The following AP5M1 variants were observed in gnomAD, a reference collection of about 807,000 sequenced individuals.
The protein encoded by AP5M1 is adaptor related protein complex 5 subunit mu 1.
AP5M1 carries 44 observed loss-of-function variants against 52.3 expected under a neutral mutation model. The observed-to-expected ratio is 0.84, with a 90% CI of 0.66 to 1.08. The LOEUF (loss-of-function observed/expected upper bound fraction) is 1.08. Among genes scored for constraint, AP5M1 ranks in the 50% least tolerant of loss-of-function variants. The pLI, the probability that AP5M1 is intolerant of heterozygous loss-of-function variation, is 0.00. For missense variants in AP5M1, 526 were observed against 568.4 expected (o/e 0.93, Z 0.76); for synonymous variants, 213 against 199.0 (o/e 1.07, Z -0.59).
At chr14:57,282,338 T>G in intron 4 of AP5M1, 110 bp downstream of exon 4, 2 of 777,652 alleles carry the variant, frequency 2.6e-6, no homozygotes, top group Non-Finnish European at 3.7e-6. Context: ...CTGAACAATT[T>G]TATTTTATTT....
chr14:57,274,679 T>C lies in AP5M1; in HGVS notation c.510T>C (p.Gly170=). 1 of 1,614,202 alleles carries C rather than the reference T, an allele frequency of 6.2e-7. No individual in the cohort carries two copies. The highest frequency in any genetic ancestry group is 8.5e-7 in the Non-Finnish European group (1 of 1,180,042). Residue 170 remains glycine (G), a synonymous_variant, in exon 2 of 8, where the codon GGT becomes GGC. Transcript: ENST00000261558. ...PDLLLQACPF[G]TLLDANLQNS... The stretch of plus-strand genomic sequence containing the variant: ...TGCTTCTGCAGGCTTGTCCATTTGG[T>C]ACTTTATTAGATGCCAACTTACAGA...
chr14:57,296,377 A>T lies in AP5M1; in HGVS notation c.*7493A>T, dbSNP rs1365153260. 2 of 152,088 alleles carry T rather than the reference A, an allele frequency of 1.3e-5. No homozygotes were observed. The highest frequency in any genetic ancestry group is 2.9e-5 in the Non-Finnish European group (2 of 67,962). The allele number at this position is 152,088 out of a possible 1,614,324, so 9.4% of individuals were successfully genotyped here. A position where few individuals can be genotyped will look rare whatever the true frequency, so the allele number is the denominator to read the frequency against. ...TTACCCCTTGCTAAAGGCTCTTAAG[A>T]AACTGTTAGCCTGTTACTTTATTAC... On this transcript the variant is annotated 3_prime_UTR_variant, in exon 8 of 8. Coordinates refer to ENST00000261558, the MANE Select transcript of AP5M1 (RefSeq NM_018229.4).
intron 6 of AP5M1, among the ~76,000 whole-genome samples, chr14:57,285,147 A>T (rs552383140): frequency 1.3e-5 from 2 of 152,302 alleles, no homozygotes; most frequent in South Asian, 4.1e-4. Flanking sequence ...AAATACAGAC[A>T]ATTAGGGGAA....
At chr14:57,287,454 T>TA (rs1426810469) in intron 7 of AP5M1, among the ~76,000 whole-genome samples, 2 of 152,246 alleles carry the variant, frequency 1.3e-5, no homozygotes, top group Non-Finnish European at 2.9e-5. Context: ...TGTTTTCTCT[T>TA]ACATCATTTT....
At chr14:57,284,070 A>G (rs1885249192) in intron 6 of AP5M1, among the ~76,000 whole-genome samples, 1 of 152,228 alleles carries the variant, frequency 6.6e-6, no homozygotes, top group Admixed American at 6.5e-5. Context: ...TTGCACATCA[A>G]CAATTTATCA....
rs1375275013 is a variant in AP5M1, at chr14:57,269,232, AGTCT to A, written c.-77_-74del. 7.6e-6 allele frequency: 10 copies of A among 1,320,164 alleles called. No homozygotes were observed. The highest frequency in any genetic ancestry group is 1.2e-5 in the South Asian group (1 of 82,878). The allele number at this position is 1,320,164 out of a possible 1,614,324, so 81.8% of individuals were successfully genotyped here. A position where few individuals can be genotyped will look rare whatever the true frequency, so the allele number is the denominator to read the frequency against. The stretch of plus-strand genomic sequence containing the variant: ...GATGAGCCTCAGGGCTTCTGTTAAG[AGTCT>A]GTCTGAGAAAGCCGGTCTGCGCTGT... On this transcript the variant is annotated 5_prime_UTR_variant, in exon 1 of 8. An upstream open reading frame in the 5' UTR gains an earlier in-frame stop. Transcript: ENST00000261558.
intron 6 of AP5M1, among the ~76,000 whole-genome samples, chr14:57,283,947 A>G (rs536337843): frequency 2.0e-5 from 3 of 152,344 alleles, no homozygotes; most frequent in Admixed American, 6.5e-5. Flanking sequence ...TGATTGTGCC[A>G]CTGCATTCCA....
intron 6 of AP5M1, among the ~76,000 whole-genome samples, chr14:57,285,154 G>C (rs1004568963): frequency 6.6e-6 from 1 of 152,094 alleles, no homozygotes; most frequent in Non-Finnish European, 1.5e-5. Context: ...GACAATTAGG[G>C]GAAGTGGTAG....
At chr14:57,280,551 TTGAAGA>T (rs1885147506) in intron 3 of AP5M1, 129 bp downstream of exon 3, 1 of 708,350 alleles carries the variant, frequency 1.4e-6, no homozygotes, top group African/African-American at 1.8e-5. Context: ...TAATTGATGA[TTGAAGA>T]TGAAGATTTA....
At position 57,288,876 on chromosome 14, in the gene AP5M1, T is replaced by C. The variant is rs147976517; in HGVS notation, c.1465T>C (p.Leu489=). The C allele has an allele frequency of 2.4e-4, 366 of 1,521,818 alleles. 1 individual carries two copies. The highest frequency in any genetic ancestry group is 3.2e-4 in the Non-Finnish European group (352 of 1,102,258). The allele number at this position is 1,521,818 out of a possible 1,614,324, so 94.3% of individuals were successfully genotyped here. Residue 489 remains leucine (L), a synonymous_variant, in exon 8 of 8, where the codon TTA becomes CTA. Coordinates refer to ENST00000261558, the MANE Select transcript of AP5M1 (RefSeq NM_018229.4). ...APAPVTYGSL[L]L The stretch of plus-strand genomic sequence containing the variant: ...TGCTCCAGTAACATATGGATCATTA[T>C]TATTGTAATAGTCTCATGTTTAAAT...
At chr14:57,285,521 T>G (rs1243411325) in intron 6 of AP5M1, among the ~76,000 whole-genome samples, 1 of 152,028 alleles carries the variant, frequency 6.6e-6, no homozygotes, top group Admixed American at 6.6e-5. Context: ...TTATCAGAGA[T>G]AATTTGGGTT....
At chr14:57,273,729 G>A (rs1884948197) in intron 1 of AP5M1, 1 of 701,874 alleles carries the variant, frequency 1.4e-6, no homozygotes, top group Non-Finnish European at 2.6e-6. Flanking sequence ...GAAGACTCAG[G>A]GTACCTGTCA....
intron 2 of AP5M1, chr14:57,275,468 AAG>A (rs1254902569): frequency 6.6e-6 from 1 of 151,986 alleles, no homozygotes; most frequent in African/African-American, 2.4e-5. Flanking sequence ...GAGAAGAGAA[AAG>A]AGAGAGGAGA....
At chr14:57,275,414 G>A (rs1295552249) in intron 2 of AP5M1, 2 of 147,108 alleles carry the variant, frequency 1.4e-5, no homozygotes, top group African/African-American at 5.4e-5. Context: ...GGGGGGGAGA[G>A]AGAGAGGAGA....
At position 57,291,641 on chromosome 14, in the gene AP5M1, A is replaced by T. The variant is rs1042083759; in HGVS notation, c.*2757A>T. 1 of 151,846 alleles carries T rather than the reference A, an allele frequency of 6.6e-6. No individual in the cohort carries two copies. The allele number at this position is 151,846 out of a possible 1,614,324, so 9.4% of individuals were successfully genotyped here. ...TAAAAAATTTTTTTTATTAAACATT[A>T]GTCTGTCCCATAAAATCGTTTTCAT... On this transcript the variant is annotated 3_prime_UTR_variant, in exon 8 of 8. Transcript: ENST00000261558.
At position 57,289,940 on chromosome 14, in the gene AP5M1, C is replaced by T. The variant is rs11542787; in HGVS notation, c.*1056C>T. On this transcript the variant is annotated 3_prime_UTR_variant, in exon 8 of 8. Transcript: ENST00000261558. The stretch of plus-strand genomic sequence containing the variant: ...GCAATTATATATCATATTATGTTTT[C>T]AGAGCAGTTCATTGTCAAGTTGGAC... 1.3e-5 allele frequency: 2 copies of T among 151,790 alleles called. No homozygotes were observed. Among genetic ancestry groups the T allele is most frequent in the Non-Finnish European group, 2.9e-5 (2 of 67,908 alleles). The allele number at this position is 151,790 out of a possible 1,614,324, so 9.4% of individuals were successfully genotyped here.
rs1032702857 is a variant in AP5M1, at chr14:57,269,361, C to T, written c.47C>T (p.Pro16Leu). ...CTCATAAGCCACGAACCGGGAACTC[C>T]ACTTTGTGGCACCGTGAGATTCTCC... ...VWLISHEPGT[P>L]LCGTVRFSRR... is the part of the protein sequence containing the mutation. Residue 16 changes from proline (P) to leucine (L), a missense_variant, in exon 1 of 8, where the codon CCA (proline) becomes CTA (leucine). Around this residue, in one of 3 missense-constraint regions of AP5M1, gnomAD observed 425 missense variants for 430.6 expected, o/e 0.99. Transcript: ENST00000261558. The T allele has an allele frequency of 5.0e-6, 8 of 1,613,990 alleles. No homozygotes were observed. In the African/African-American group the frequency reaches 9.3e-5, roughly 19 times the overall value.
Position 57,269,041 on chromosome 14 carries a change from GA to G in AP5M1, c.-272del, listed in dbSNP as rs1884802730. The stretch of plus-strand genomic sequence containing the variant: ...ACCATTCCGGAAGTAGAATTTAGAG[GA>G]AGAAAATACCGGAGTTGCAGGGTAT... On this transcript the variant is annotated 5_prime_UTR_variant, in exon 1 of 8. Coordinates refer to ENST00000261558, the MANE Select transcript of AP5M1 (RefSeq NM_018229.4). 1.8e-6 allele frequency: 1 copy of G among 553,836 alleles called. No individual in the cohort carries two copies. Among genetic ancestry groups the G allele is most frequent in the African/African-American group, 1.9e-5 (1 of 51,826 alleles). The allele number at this position is 553,836 out of a possible 1,614,324, so 34.3% of individuals were successfully genotyped here. A position where few individuals can be genotyped will look rare whatever the true frequency, so the allele number is the denominator to read the frequency against.
rs776104710 is a variant in AP5M1 at position 57,271,050 on chromosome 14, A to C, written c.74+1662A>C. On this transcript the variant is annotated intron_variant, in intron 1 of 7. Coordinates refer to ENST00000261558, the MANE Select transcript of AP5M1 (RefSeq NM_018229.4). ...AGCATAACTGAGGAACTCAATTGTTAATTTTGGGTAATGTTAATTGATTTT... is the reference window on the plus strand; with the variant it reads ...AGCATAACTGAGGAACTCAATTGTTCATTTTGGGTAATGTTAATTGATTTT... 6 of 152,360 alleles carry C rather than the reference A, an allele frequency of 3.9e-5. No homozygotes were observed. The East Asian group carries it at 1.2e-3, about 29-fold the overall frequency. 9.4% of individuals were successfully genotyped at this position (152,360 alleles called of 1,614,324 possible). A position where few individuals can be genotyped will look rare whatever the true frequency, so the allele number is the denominator to read the frequency against.
Sources: gnomAD v4.1 joint callset for allele counts (sites outside exome capture counted in the v4.1 genomes callset) on GRCh38, gnomAD v4.1.1 for gene constraint, gnomAD v4.1.1 regional missense constraint, MANE v1.5 for transcripts, NCBI Gene and HGNC (gene_info 2026-07-23, HGNC 2026-07-21) for gene names.